Variants in PIWIL1 observed in about 807,000 individuals in gnomAD.
PIWIL1 encodes the protein piwi-like protein 1.
A neutral mutation model predicts 114.4 loss-of-function variants in PIWIL1; 73 were observed. The observed-to-expected ratio is 0.64, with a 90% CI of 0.53 to 0.78. The LOEUF is 0.78. PIWIL1 is among the 30% of genes least tolerant of loss of function. The probability of loss-of-function intolerance (pLI) is 0.00; values close to 1 mark genes in which losing one functional copy is unlikely to be tolerated. For synonymous variants in PIWIL1, 375 were observed against 369.0 expected (o/e 1.02, Z -0.19); for missense variants, 723 against 1,063.1 (o/e 0.68, Z 4.45).
chr12:130,339,308 C>T (rs924724292), intron 1 of PIWIL1, among the ~76,000 whole-genome samples: 15 of 152,332 alleles, frequency 9.8e-5, no homozygotes, highest in African/African-American at 3.1e-4. Context: ...TCTTCAGCCC[C>T]GGCGGCCTCC....
At chr12:130,421,652 A>C in the PIWIL1 span, among the ~76,000 whole-genome samples, 1 of 150,558 alleles carries the variant, frequency 6.6e-6, no homozygotes, top group African/African-American at 2.5e-5. Flanking sequence ...GTTTCTCCTC[A>C]TCTATTTCTG....
chr12:130,345,695 A>C lies in PIWIL1; in HGVS notation c.191-58A>C, dbSNP rs950004872. On this transcript the variant is annotated intron_variant, in intron 3 of 20. Transcript: ENST00000245255. ...ACACATAATAGCACTATGGGAGTTA[A>C]TATTGTCATCCTTTATTTCGTGCTT... The C allele has an allele frequency of 2.5e-6, 4 of 1,590,168 alleles. No homozygotes were observed. The African/African-American group carries it at 5.4e-5, about 21-fold the overall frequency.
chr12:130,412,207 G>T, the PIWIL1 span, among the ~76,000 whole-genome samples: 2 of 152,100 alleles, frequency 1.3e-5, no homozygotes, highest in Non-Finnish European at 2.9e-5. Context: ...TGTGCCTCTT[G>T]GATAAGCAAA....
the PIWIL1 span, chr12:130,399,579 C>A: frequency 7.1e-7 from 1 of 1,409,256 alleles, no homozygotes; most frequent in Non-Finnish European, 9.7e-7. Flanking sequence ...TGTATTTACG[C>A]TTTTCGGCCC....
Position 130,346,441 on chromosome 12 carries a change from T to C in PIWIL1, c.388T>C (p.Tyr130His). The change falls in exon 5 of 21, where the codon TAT (tyrosine) becomes CAT (histidine). Residue 130 changes from tyrosine to histidine, a missense_variant. Physicochemically the swap from Tyr to His is moderately conservative, Grantham distance 83. This residue lies in a region of PIWIL1 where 190 missense variants were observed against 294.4 expected (regional missense o/e 0.65). Coordinates refer to ENST00000245255, the MANE Select transcript of PIWIL1 (RefSeq NM_004764.5). Reference sequence around the variant, plus strand: ...GACATCCCGTCCCCAGTGGGCCTTATATCAGTATCACATTGACTATAACCC... The same window carrying C: ...GACATCCCGTCCCCAGTGGGCCTTACATCAGTATCACATTGACTATAACCC... ...RLTSRPQWAL[Y>H]QYHIDYNPLM... 1.2e-6 allele frequency: 2 copies of C among 1,614,062 alleles called. No homozygotes were observed. The highest frequency in any genetic ancestry group is 1.7e-5 in the Admixed American group (1 of 60,032).
At chr12:130,356,663 G>A (rs1250058152) in intron 12 of PIWIL1, among the ~76,000 whole-genome samples, 1 of 152,146 alleles carries the variant, frequency 6.6e-6, no homozygotes, top group Non-Finnish European at 1.5e-5. Flanking sequence ...AAAGCACTTA[G>A]GGAAGTACCT....
At chr12:130,424,626 G>C in the PIWIL1 span, 1 of 1,231,802 alleles carries the variant, frequency 8.1e-7, no homozygotes, top group Non-Finnish European at 1.0e-6. This position sits in a 1 kb window ranked among gnomAD's most constrained non-coding sequence, Gnocchi z 9.8. Flanking sequence ...CGGGAACCAG[G>C]AGCCCCGAGG....
the PIWIL1 span, chr12:130,407,932 T>G: frequency 9.8e-7 from 1 of 1,019,758 alleles, no homozygotes; most frequent in Non-Finnish European, 1.5e-6. Flanking sequence ...AGCCGAGACC[T>G]GGCACTGCTA....
chr12:130,424,184 G>T, the PIWIL1 span: 18 of 1,232,164 alleles, frequency 1.5e-5, no homozygotes, highest in Non-Finnish European at 1.8e-5. The surrounding 1 kb of genome is among the most constrained non-coding windows in gnomAD (Gnocchi z 9.8). Context: ...TTGCGTGGGG[G>T]GCAGCTGCCC....
chr12:130,420,751 ACT>A, the PIWIL1 span: 2 of 152,006 alleles, frequency 1.3e-5, no homozygotes, highest in Admixed American at 6.5e-5. This position sits in a 1 kb window ranked among gnomAD's most constrained non-coding sequence, Gnocchi z 4.3. Flanking sequence ...TTTAAACCAG[ACT>A]CTGACAGCGA....
rs1486924075 is a variant in PIWIL1, at chr12:130,338,256, G to T, written c.-13+110G>T. On this transcript the variant is annotated intron_variant, in intron 1 of 20. Coordinates refer to ENST00000245255, the MANE Select transcript of PIWIL1 (RefSeq NM_004764.5). ...TCGAGGTGCGGGGACCGGGTTGCGGGGGCGAGGTCCCAGGTGCGGGGGATG... is the reference window on the plus strand; with the variant it reads ...TCGAGGTGCGGGGACCGGGTTGCGGTGGCGAGGTCCCAGGTGCGGGGGATG... The T allele has an allele frequency of 2.1e-3, 677 of 316,214 alleles. 11 individuals are homozygous for T. Among genetic ancestry groups the T allele is most frequent in the African/African-American group, 0.015 (642 of 42,848 alleles). 19.6% of individuals were successfully genotyped at this position (316,214 alleles called of 1,614,324 possible). A position where few individuals can be genotyped will look rare whatever the true frequency, so the allele number is the denominator to read the frequency against.
At chr12:130,377,702 G>A in the PIWIL1 span, among the ~76,000 whole-genome samples, 1 of 152,244 alleles carries the variant, frequency 6.6e-6, no homozygotes, top group East Asian at 1.9e-4. Flanking sequence ...ATGCCAGGGT[G>A]TGATCTGGAG....
intron 1 of PIWIL1, 21 bp from the exon 2 acceptor site, chr12:130,342,559 T>G: frequency 6.8e-7 from 1 of 1,461,480 alleles, no homozygotes; most frequent in Non-Finnish European, 9.6e-7. Flanking sequence ...AGTATTGTCT[T>G]CAAGATTGTT....
chr12:130,389,584 C>T, the PIWIL1 span, among the ~76,000 whole-genome samples: 1 of 151,840 alleles, frequency 6.6e-6, no homozygotes, highest in Non-Finnish European at 1.5e-5. Flanking sequence ...GTTGATAATA[C>T]TTCATCTTTA....
At position 130,342,582 on chromosome 12, in the gene PIWIL1, A is replaced by C; in HGVS notation, c.-10A>C. 1 of 1,603,970 alleles carries C rather than the reference A, an allele frequency of 6.2e-7. No individual in the cohort carries two copies. Among genetic ancestry groups the C allele is most frequent in the Non-Finnish European group, 8.5e-7 (1 of 1,170,890 alleles). On this transcript the variant is annotated splice_region_variant and 5_prime_UTR_variant, in exon 2 of 21. Coordinates refer to ENST00000245255, the MANE Select transcript of PIWIL1 (RefSeq NM_004764.5). The stretch of plus-strand genomic sequence containing the variant: ...CTTCAAGATTGTTTCCTCTCCAGAA[A>C]TAGAAAACAATGACTGGGAGAGCCC...
intron 18 of PIWIL1, among the ~76,000 whole-genome samples, chr12:130,365,736 C>T (rs893751737): frequency 3.9e-5 from 6 of 152,184 alleles, no homozygotes; most frequent in Middle Eastern, 6.3e-3. Context: ...TATGTCCTTC[C>T]GTTCCTAAGA....
the PIWIL1 span, among the ~76,000 whole-genome samples, chr12:130,394,318 G>A: frequency 1.3e-5 from 2 of 152,218 alleles, no homozygotes; most frequent in African/African-American, 4.8e-5. Context: ...GGCAGCACAA[G>A]GGCCTGGAGT....
Position 130,361,504 on chromosome 12 carries a change from C to T in PIWIL1, c.1873C>T (p.Leu625Phe), listed in dbSNP as rs768268225. ...ELWRVDIPLKLVMIVGIDCYH... is the reference protein window; with the variant it reads ...ELWRVDIPLKFVMIVGIDCYH... Reference sequence around the variant, plus strand: ...TACCATATTTGTATTGAAGCTGAAGCTCGTGATGATCGTTGGCATCGATTG... The same window carrying T: ...TACCATATTTGTATTGAAGCTGAAGTTCGTGATGATCGTTGGCATCGATTG... The change falls in exon 16 of 21, where the codon CTC becomes TTC. Residue 625 changes from leucine to phenylalanine, a missense_variant. Around this residue, in one of 8 missense-constraint regions of PIWIL1, gnomAD observed 298 missense variants for 420.8 expected, o/e 0.71. Coordinates refer to ENST00000245255, the MANE Select transcript of PIWIL1 (RefSeq NM_004764.5). 2 of 1,614,138 alleles carry T rather than the reference C, an allele frequency of 1.2e-6. No homozygotes were observed. The highest frequency in any genetic ancestry group is 3.3e-5 in the Admixed American group (2 of 60,032).
chr12:130,344,592 T>A (rs1334580004), intron 3 of PIWIL1, among the ~76,000 whole-genome samples: 2 of 152,208 alleles, frequency 1.3e-5, no homozygotes, highest in African/African-American at 4.8e-5. Flanking sequence ...TCTAAGGAAG[T>A]CTAGAGAGTA....
Sources: gnomAD v4.1 joint callset for allele counts (sites outside exome capture counted in the v4.1 genomes callset) on GRCh38, gnomAD v4.1.1 for gene constraint, gnomAD v4.1.1 regional missense constraint, Gnocchi (gnomAD v3.1) non-coding constraint, MANE v1.5 for transcripts, NCBI Gene and HGNC (gene_info 2026-07-23, HGNC 2026-07-21) for gene names.